The following FMN2 variants were observed in gnomAD, a reference collection of about 807,000 sequenced individuals.
FMN2 encodes formin-2.
Under a neutral mutation model 142.3 loss-of-function variants are expected in FMN2, and 51 were observed. The observed-to-expected ratio is 0.36, with a 90% CI of 0.29 to 0.45. The LOEUF is 0.45. Among genes scored for constraint, FMN2 ranks in the 20% least tolerant of loss-of-function variants. The pLI is 1.00. For missense variants in FMN2, 1,936 were observed against 2,122.8 expected (o/e 0.91, Z 1.73); for synonymous variants, 882 against 869.8 (o/e 1.01, Z -0.25).
chr1:240,317,196 G>A (rs993096623), intron 8 of FMN2, among the ~76,000 whole-genome samples: 8 of 152,128 alleles, frequency 5.3e-5, no homozygotes, highest in Admixed American at 2.0e-4. Context: ...CGCACCTGTA[G>A]TCCTAGCTGC....
intron 13 of FMN2, among the ~76,000 whole-genome samples, chr1:240,344,816 A>C (rs1572214094): frequency 6.6e-6 from 1 of 152,300 alleles, no homozygotes; most frequent in African/African-American, 2.4e-5. Flanking sequence ...GTTAAAGTAC[A>C]TTTTATTTTA....
chr1:240,311,265 C>T (rs1013666911), intron 8 of FMN2, among the ~76,000 whole-genome samples: 23 of 152,116 alleles, frequency 1.5e-4, no homozygotes, highest in African/African-American at 5.1e-4. Context: ...CATGATACAG[C>T]ATCCTCAAAA....
In FMN2 at chr1:240,335,972, C is replaced by T. The variant is rs529970537; in HGVS notation, c.4765+1743C>T. ...CAGCCTGACCAATATGAAGAAACCC[C>T]ATCTCTACTAAAAATACAAAATTAG... On this transcript the variant is annotated intron_variant, in intron 13 of 17. Transcript: ENST00000319653. Among the ~76,000 whole-genome samples, 12 of 151,682 alleles carry T rather than the reference C, an allele frequency of 7.9e-5. No individual in the cohort carries two copies. In the South Asian group the frequency reaches 2.5e-3, roughly 32 times the overall value.
At chr1:240,165,346 T>A (rs1456025609) in intron 2 of FMN2, among the ~76,000 whole-genome samples, 1 of 150,182 alleles carries the variant, frequency 6.7e-6, no homozygotes, top group African/African-American at 2.5e-5. Context: ...GGCTAGATTT[T>A]AAAATTTTTT....
rs773517379 is a variant in FMN2, at chr1:240,211,096, C to G, written c.3926C>G (p.Ser1309Cys). 6.8e-6 allele frequency: 11 copies of G among 1,611,292 alleles called. No homozygotes were observed. The East Asian group carries it at 2.2e-4, about 33-fold the overall frequency. ...TRIQLHSKRD[S>C]STSLIWEKIE... ...GTTCTTTTGCTTAATTTTAGAGACT[C>G]CAGTACTTCACTTATTTGGGAAAAA... The change falls in exon 6 of 18, where the codon TCC becomes TGC. Residue 1309 changes from serine to cysteine, a missense_variant. Physicochemically the swap from Ser to Cys is moderately radical, Grantham distance 112 (BLOSUM62 -1). Coordinates refer to ENST00000319653, the MANE Select transcript of FMN2 (RefSeq NM_020066.5).
chr1:240,178,350 A>C (rs557975826), intron 3 of FMN2, among the ~76,000 whole-genome samples: 1 of 151,688 alleles, frequency 6.6e-6, no homozygotes, highest in African/African-American at 2.4e-5. Context: ...AACACTTTAT[A>C]TTTGTCATAC....
At chr1:240,425,460 C>T (rs1044975829) in intron 15 of FMN2, among the ~76,000 whole-genome samples, 8 of 152,138 alleles carry the variant, frequency 5.3e-5, no homozygotes, top group Non-Finnish European at 1.0e-4. Context: ...GCTTACTCCC[C>T]CCACCCCAGT....
intron 1 of FMN2, among the ~76,000 whole-genome samples, chr1:240,097,562 A>G (rs1266017026): frequency 6.6e-6 from 1 of 152,008 alleles, no homozygotes; most frequent in Middle Eastern, 3.2e-3. Context: ...TCACCGTGTT[A>G]GCCAGGATGG....
chr1:240,220,960 A>G (rs1667090694), intron 6 of FMN2, among the ~76,000 whole-genome samples: 1 of 152,138 alleles, frequency 6.6e-6, no homozygotes, highest in African/African-American at 2.4e-5. Flanking sequence ...GAGTGAGAAC[A>G]TGCAGTATTT....
At chr1:240,220,042 T>C (rs1488009448) in intron 6 of FMN2, among the ~76,000 whole-genome samples, 1 of 152,182 alleles carries the variant, frequency 6.6e-6, no homozygotes, top group Non-Finnish European at 1.5e-5. Flanking sequence ...CCTGAAACTG[T>C]CTGAAGTATT....
intron 8 of FMN2, among the ~76,000 whole-genome samples, chr1:240,296,438 C>CTTTTTTTTTTTTT (rs772711130): frequency 2.1e-5 from 1 of 46,910 alleles, no homozygotes; most frequent in African/African-American, 9.9e-5. Flanking sequence ...TCTTTGAGTG[C>CTTTTTTTTTTTTT]TTTTTTTTTT....
chr1:240,409,603 A>T (rs974134675), intron 15 of FMN2, among the ~76,000 whole-genome samples: 2 of 152,220 alleles, frequency 1.3e-5, no homozygotes, highest in Non-Finnish European at 2.9e-5. Flanking sequence ...AATGTAAGTA[A>T]GTGGGGTCAA....
chr1:240,213,800 A>C (rs1018690607), intron 6 of FMN2, among the ~76,000 whole-genome samples: 2 of 152,224 alleles, frequency 1.3e-5, no homozygotes, highest in Non-Finnish European at 2.9e-5. Context: ...GTTCTCCTTG[A>C]AAGTAAGACT....
chr1:240,465,675 G>A (rs867703999), intron 16 of FMN2, among the ~76,000 whole-genome samples: 1 of 152,230 alleles, frequency 6.6e-6, no homozygotes, highest in African/African-American at 2.4e-5. Context: ...AAATGAAACC[G>A]TCTGCCACAG....
chr1:240,240,519 T>C (rs1667861975), intron 6 of FMN2, among the ~76,000 whole-genome samples: 1 of 152,222 alleles, frequency 6.6e-6, no homozygotes, highest in Non-Finnish European at 1.5e-5. Context: ...ATGATTAATA[T>C]CTCTCATTGA....
chr1:240,333,076 T>A (rs1572203342), intron 11 of FMN2, among the ~76,000 whole-genome samples: 1 of 152,166 alleles, frequency 6.6e-6, no homozygotes, highest in South Asian at 2.1e-4. Flanking sequence ...GAATGTAGTT[T>A]GTATCATAGG....
At chr1:240,331,826 T>G (rs1469382442) in intron 11 of FMN2, among the ~76,000 whole-genome samples, 1 of 152,162 alleles carries the variant, frequency 6.6e-6, no homozygotes, top group Non-Finnish European at 1.5e-5. Context: ...AGCCTACAGT[T>G]GGGCAAATCA....
intron 8 of FMN2, among the ~76,000 whole-genome samples, chr1:240,321,799 C>T (rs149573231): frequency 6.8e-4 from 104 of 152,076 alleles, no homozygotes; most frequent in African/African-American, 2.4e-3. Context: ...TTAAACATTG[C>T]GACTCCTCTA....
intron 2 of FMN2, among the ~76,000 whole-genome samples, chr1:240,141,601 C>A (rs1445041898): frequency 6.6e-6 from 1 of 152,080 alleles, no homozygotes; most frequent in Non-Finnish European, 1.5e-5. Flanking sequence ...AACTCCTGAC[C>A]TCAGGTAATC....
Sources: gnomAD v4.1 joint callset for allele counts (sites outside exome capture counted in the v4.1 genomes callset) on GRCh38, gnomAD v4.1.1 for gene constraint, MANE v1.5 for transcripts, NCBI Gene and HGNC (gene_info 2026-07-23, HGNC 2026-07-21) for gene names.